The following SPAG16 variants were observed in gnomAD, a reference collection of about 807,000 sequenced individuals.
SPAG16 encodes the protein sperm associated antigen 16.
In SPAG16, 86 loss-of-function variants were observed where a neutral mutation model predicts 80.4. The observed-to-expected ratio is 1.07, with a 90% CI of 0.90 to 1.28. The LOEUF (loss-of-function observed/expected upper bound fraction) is 1.28, where lower values mean the gene tolerates loss of function less well. Among genes scored for constraint, SPAG16 ranks in the 50% most tolerant of loss-of-function variants. The pLI, the probability that SPAG16 is intolerant of heterozygous loss-of-function variation, is 0.00. For synonymous variants in SPAG16, 294 were observed against 265.9 expected, an observed-to-expected ratio of 1.11 and a Z score of -1.03; for missense variants, 870 against 765.3, an observed-to-expected ratio of 1.14 and a Z score of -1.61.
At chr2:213,771,306 T>C (rs1267513511) in intron 10 of SPAG16, among the ~76,000 whole-genome samples, 1 of 152,196 alleles carries the variant, frequency 6.6e-6, no homozygotes, top group Admixed American at 6.5e-5. Flanking sequence ...TTTAATGTTT[T>C]TTTCCTTGTA....
intron 10 of SPAG16, among the ~76,000 whole-genome samples, chr2:213,659,961 G>C (rs1390140211): frequency 6.6e-6 from 1 of 152,042 alleles, no homozygotes; most frequent in Non-Finnish European, 1.5e-5. Context: ...AGTCCATTGG[G>C]ATTCTTTCTC....
intron 10 of SPAG16, among the ~76,000 whole-genome samples, chr2:213,527,724 G>A (rs528919178): frequency 5.9e-5 from 9 of 152,036 alleles, no homozygotes; most frequent in East Asian, 1.9e-4. Flanking sequence ...TAAGTGAAAC[G>A]GAATCAGCCA....
rs138275890 is a variant in SPAG16, at chr2:214,045,456, G to A, written c.1527+31379G>A. Among the ~76,000 whole-genome samples, 4 of 152,282 alleles carry A rather than the reference G, an allele frequency of 2.6e-5. No homozygotes were observed. In the East Asian group the frequency reaches 5.8e-4, roughly 22 times the overall value. On this transcript the variant is annotated intron_variant, in intron 13 of 15. Transcript: ENST00000331683. ...ACTTTCTGGCTTCAGCTGAGACTCA[G>A]CACATTCCAAGATGTGGTAACTATG...
At chr2:213,645,220 G>A (rs1348826760) in intron 10 of SPAG16, among the ~76,000 whole-genome samples, 2 of 152,154 alleles carry the variant, frequency 1.3e-5, no homozygotes, top group African/African-American at 4.8e-5. Context: ...GGTGAATGAG[G>A]AACTGGACTG....
At chr2:213,562,490 G>T (rs1008106441) in intron 10 of SPAG16, among the ~76,000 whole-genome samples, 3 of 152,154 alleles carry the variant, frequency 2.0e-5, no homozygotes, top group African/African-American at 7.2e-5. Flanking sequence ...TCATAAACTG[G>T]GTAGCTTATA....
At chr2:213,610,701 A>G (rs1250962692) in intron 10 of SPAG16, among the ~76,000 whole-genome samples, 6 of 152,188 alleles carry the variant, frequency 3.9e-5, no homozygotes, top group Non-Finnish European at 8.8e-5. Context: ...TCCATAGACA[A>G]AGTAGGACAT....
intron 6 of SPAG16, among the ~76,000 whole-genome samples, chr2:213,347,190 T>C (rs1157823371): frequency 6.6e-6 from 1 of 152,226 alleles, no homozygotes; most frequent in Non-Finnish European, 1.5e-5. Flanking sequence ...TTTATAGTAT[T>C]CTCTGATGGT....
chr2:213,430,945 A>C (rs1201707769), intron 9 of SPAG16, among the ~76,000 whole-genome samples: 5 of 152,182 alleles, frequency 3.3e-5, no homozygotes, highest in African/African-American at 7.2e-5. Flanking sequence ...TAAAGAAAAA[A>C]CTGCCAACCC....
intron 15 of SPAG16, among the ~76,000 whole-genome samples, chr2:214,373,401 C>T (rs933038456): frequency 6.6e-6 from 1 of 152,080 alleles, no homozygotes; most frequent in Non-Finnish European, 1.5e-5. Context: ...ATAGTTAAAC[C>T]TTATAATGCA....
intron 15 of SPAG16, among the ~76,000 whole-genome samples, chr2:214,352,255 A>G (rs1698463110): frequency 6.6e-6 from 1 of 152,238 alleles, no homozygotes; most frequent in Non-Finnish European, 1.5e-5. Context: ...CTTTTCAGTT[A>G]ACAAACAAGT....
chr2:214,155,633 T>C (rs1473448752), intron 15 of SPAG16, among the ~76,000 whole-genome samples: 3 of 152,146 alleles, frequency 2.0e-5, no homozygotes, highest in Non-Finnish European at 4.4e-5. Flanking sequence ...ACACCATGCC[T>C]GAGGGTAGCC....
chr2:213,419,988 C>T (rs543911141), intron 9 of SPAG16, among the ~76,000 whole-genome samples: 2 of 152,232 alleles, frequency 1.3e-5, no homozygotes, highest in South Asian at 4.1e-4. Context: ...TTACAATAAT[C>T]CCTATGGATA....
intron 15 of SPAG16, among the ~76,000 whole-genome samples, chr2:214,382,039 A>G (rs1700479024): frequency 6.6e-6 from 1 of 152,232 alleles, no homozygotes; most frequent in Admixed American, 6.5e-5. Context: ...TGGAAAAAGA[A>G]AAGTAAATAT....
chr2:214,015,025 A>T (rs1040077769), intron 13 of SPAG16, among the ~76,000 whole-genome samples: 1 of 152,096 alleles, frequency 6.6e-6, no homozygotes, highest in Non-Finnish European at 1.5e-5. Context: ...CTTGAGGAGG[A>T]GTCATGACTA....
intron 10 of SPAG16, among the ~76,000 whole-genome samples, chr2:213,749,592 A>G (rs1413399016): frequency 6.6e-6 from 1 of 152,258 alleles, no homozygotes; most frequent in Non-Finnish European, 1.5e-5. Flanking sequence ...TTCACTTGAA[A>G]TGAGAATATG....
chr2:213,485,101 C>T (rs1344733134), intron 9 of SPAG16, among the ~76,000 whole-genome samples: 1 of 151,262 alleles, frequency 6.6e-6, no homozygotes, highest in East Asian at 1.9e-4. Flanking sequence ...CTCAAGCGAT[C>T]CTCCTGCCTC....
chr2:213,439,531 A>T (rs534520799), intron 9 of SPAG16, among the ~76,000 whole-genome samples: 92 of 152,314 alleles, frequency 6.0e-4, no homozygotes, highest in African/African-American at 2.1e-3. Context: ...AGAACTTGTA[A>T]ATGATGAACC....
intron 15 of SPAG16, among the ~76,000 whole-genome samples, chr2:214,228,815 T>C (rs970827309): frequency 2.6e-5 from 4 of 151,888 alleles, no homozygotes; most frequent in African/African-American, 9.7e-5. Context: ...TATCACAATA[T>C]TTAACAAATG....
intron 12 of SPAG16, among the ~76,000 whole-genome samples, chr2:213,989,084 A>G (rs1408554462): frequency 6.6e-6 from 1 of 152,152 alleles, no homozygotes; most frequent in East Asian, 1.9e-4. Flanking sequence ...GTGTCATATG[A>G]TGAAACTGTT....
Sources: gnomAD v4.1 joint callset for allele counts (sites outside exome capture counted in the v4.1 genomes callset) on GRCh38, gnomAD v4.1.1 for gene constraint, MANE v1.5 for transcripts, NCBI Gene and HGNC (gene_info 2026-07-23, HGNC 2026-07-21) for gene names.